DPP6: variants seen among roughly 807,000 people sequenced by gnomAD.
DPP6 encodes A-type potassium channel modulatory protein DPP6.
In DPP6, 69 loss-of-function variants were observed where a neutral mutation model predicts 122.6. That is an observed-to-expected ratio of 0.56 (90% CI 0.46 to 0.69). The LOEUF (loss-of-function observed/expected upper bound fraction) is 0.69, where lower values mean the gene tolerates loss of function less well. DPP6 is among the 30% of genes least tolerant of loss of function. The pLI is 0.00. For synonymous variants in DPP6, 418 were observed against 433.1 expected (o/e 0.97, Z 0.43); for missense variants, 928 against 1,116.9 (o/e 0.83, Z 2.41).
the DPP6 span, among the ~76,000 whole-genome samples, chr7:153,761,867 G>T: frequency 1.3e-5 from 2 of 152,128 alleles, no homozygotes; most frequent in African/African-American, 4.8e-5. Context: ...ATGAGTCCGT[G>T]TGTGCACAAA....
chr7:154,656,802 G>C (rs112758881), intron 6 of DPP6, among the ~76,000 whole-genome samples: 4 of 148,212 alleles, frequency 2.7e-5, no homozygotes, highest in Non-Finnish European at 6.0e-5. Flanking sequence ...TGTGTGGGTG[G>C]AGAGGCTGCG....
chr7:154,144,170 A>T (rs1795979279), intron 1 of DPP6, among the ~76,000 whole-genome samples: 1 of 152,006 alleles, frequency 6.6e-6, no homozygotes, highest in Non-Finnish European at 1.5e-5. Flanking sequence ...ATGTTTATTG[A>T]CCTTTTTCTC....
At chr7:154,587,150 C>G (rs1832508096) in intron 5 of DPP6, 2 of 157,200 alleles carry the variant, frequency 1.3e-5, no homozygotes, top group African/African-American at 2.4e-5. Context: ...CAAAGCTTCG[C>G]TATTAATCCC....
intron 5 of DPP6, among the ~76,000 whole-genome samples, chr7:154,628,511 T>C (rs1835219995): frequency 1.3e-5 from 2 of 152,256 alleles, no homozygotes; most frequent in African/African-American, 4.8e-5. Context: ...TAGAAAAAAG[T>C]GACACCCTCA....
At chr7:154,785,805 T>A (rs11243316) in intron 10 of DPP6, among the ~76,000 whole-genome samples, 2,134 of 152,272 alleles carry the variant, frequency 0.014, 49 homozygotes, top group African/African-American at 0.048. Flanking sequence ...ATGATAGAGC[T>A]AAGGAGTGCC....
At chr7:154,054,227 G>A (rs1800630745) in intron 1 of DPP6, among the ~76,000 whole-genome samples, 1 of 152,200 alleles carries the variant, frequency 6.6e-6, no homozygotes, top group Admixed American at 6.5e-5. Flanking sequence ...CACTGAGTAG[G>A]TGGTTTTGGT....
At chr7:154,180,246 G>C (rs1240860638) in intron 1 of DPP6, among the ~76,000 whole-genome samples, 1 of 151,732 alleles carries the variant, frequency 6.6e-6, no homozygotes, top group African/African-American at 2.4e-5. Context: ...TACTCGGGAG[G>C]CTGAGGCATA....
At chr7:153,943,947 G>GGGT in intron 1 of DPP6, among the ~76,000 whole-genome samples, 1 of 152,164 alleles carries the variant, frequency 6.6e-6, no homozygotes, top group South Asian at 2.1e-4. Context: ...TTCCAGTGGA[G>GGGT]TCTGCAGGGT....
chr7:154,672,302 C>T (rs1044183941), intron 7 of DPP6, among the ~76,000 whole-genome samples: 1 of 152,172 alleles, frequency 6.6e-6, no homozygotes, highest in Non-Finnish European at 1.5e-5. Flanking sequence ...TCAAATATTT[C>T]TTCATAGCAG....
intron 20 of DPP6, among the ~76,000 whole-genome samples, chr7:154,876,593 G>T (rs947934415): frequency 8.5e-5 from 13 of 152,322 alleles, no homozygotes; most frequent in African/African-American, 2.6e-4. Context: ...CTCTGAGGAA[G>T]GGCAGGCTTT....
chr7:154,653,246 C>G (rs1298906451), intron 6 of DPP6, among the ~76,000 whole-genome samples: 1 of 152,142 alleles, frequency 6.6e-6, no homozygotes, highest in Non-Finnish European at 1.5e-5. Flanking sequence ...CCCAACAGCT[C>G]GGGAGACCAA....
At chr7:154,767,888 G>A (rs936025803) in intron 8 of DPP6, among the ~76,000 whole-genome samples, 4 of 152,188 alleles carry the variant, frequency 2.6e-5, no homozygotes, top group African/African-American at 9.7e-5. Context: ...CCTTCGGTGG[G>A]GGGCTGTCTG....
the DPP6 span, among the ~76,000 whole-genome samples, chr7:153,787,251 C>A: frequency 6.9e-6 from 1 of 145,350 alleles, no homozygotes; most frequent in Non-Finnish European, 1.5e-5. Context: ...CGCCCGGCCA[C>A]GGAAGATTTC....
At chr7:154,432,592 C>T (rs184243515) in intron 1 of DPP6, among the ~76,000 whole-genome samples, 2 of 152,310 alleles carry the variant, frequency 1.3e-5, no homozygotes, top group East Asian at 1.9e-4. Context: ...TTCTGTCACA[C>T]GTAGATGAAC....
At chr7:154,433,136 G>GTTTTTTTTTTTTTTTTTTTTTT (rs548053204) in intron 1 of DPP6, among the ~76,000 whole-genome samples, 1 of 72,336 alleles carries the variant, frequency 1.4e-5, no homozygotes, top group African/African-American at 5.9e-5. Flanking sequence ...TAGACTGCAA[G>GTTTTTTTTTTTTTTTTTTTTTT]TTTTTTTTTT....
At chr7:154,530,674 A>G (rs1827771303) in intron 3 of DPP6, among the ~76,000 whole-genome samples, 1 of 152,228 alleles carries the variant, frequency 6.6e-6, no homozygotes, top group African/African-American at 2.4e-5. Flanking sequence ...TATTTCTAGT[A>G]TAAAGATATG....
chr7:154,683,956 C>A (rs1839440208), intron 7 of DPP6, among the ~76,000 whole-genome samples: 1 of 152,186 alleles, frequency 6.6e-6, no homozygotes, highest in Non-Finnish European at 1.5e-5. Flanking sequence ...GCAGCCTCAA[C>A]CTCCTTGGCT....
intron 5 of DPP6, among the ~76,000 whole-genome samples, chr7:154,575,231 GTGTGGTGTT>G (rs1831494169): frequency 1.6e-5 from 2 of 128,192 alleles, no homozygotes; most frequent in African/African-American, 2.9e-5. Context: ...TGTGGTGTGT[GTGTGGTGTT>G]TGTGTGGTGT....
chr7:154,583,280 C>T (rs555785572), intron 5 of DPP6, among the ~76,000 whole-genome samples: 12 of 152,332 alleles, frequency 7.9e-5, no homozygotes, highest in South Asian at 6.2e-4. Context: ...TTTCTGGTGA[C>T]GGCTCACCTC....
Sources: gnomAD v4.1 joint callset for allele counts (sites outside exome capture counted in the v4.1 genomes callset) on GRCh38, gnomAD v4.1.1 for gene constraint, MANE v1.5 for transcripts, NCBI Gene and HGNC (gene_info 2026-07-23, HGNC 2026-07-21) for gene names.